Variants in ARHGEF38 observed in about 807,000 individuals in gnomAD.
ARHGEF38 encodes the protein Rho guanine nucleotide exchange factor 38, also known as Rho guanine nucleotide exchange factor (GEF) 38.
ARHGEF38 carries 79 observed loss-of-function variants against 79.9 expected under a neutral mutation model. The observed-to-expected ratio is 0.99, with a 90% confidence interval of 0.82 to 1.19. The LOEUF is 1.19. ARHGEF38 is among the 50% of genes most tolerant of loss of function. The pLI is 0.00. For missense variants in ARHGEF38, 962 were observed against 907.2 expected (o/e 1.06, Z -0.78); for synonymous variants, 366 against 328.3 (o/e 1.11, Z -1.24).
chr4:105,647,888 ATTTTTTTTT>A lies in ARHGEF38; in HGVS notation c.875-650_875-642del, dbSNP rs769532644. On this transcript the variant is annotated intron_variant, in intron 6 of 13. Coordinates refer to ENST00000420470, the MANE Select transcript of ARHGEF38 (RefSeq NM_001242729.2). ...ACAGTTGTCTTGTCTTTTCTTTTCT[ATTTTTTTTT>A]TTTTTTTTTTGAGACAGAGTCTTGC... Among the ~76,000 whole-genome samples, 338 of 119,554 alleles carry A rather than the reference ATTTTTTTTT, an allele frequency of 2.8e-3. 2 individuals are homozygous for A. Among genetic ancestry groups the A allele is most frequent in the African/African-American group, 0.01 (328 of 31,462 alleles). The allele number at this position is 119,554 out of a possible 152,430, so 78.4% of individuals were successfully genotyped here.
intron 3 of ARHGEF38, among the ~76,000 whole-genome samples, chr4:105,624,010 A>G (rs1728844617): frequency 6.6e-6 from 1 of 152,140 alleles, no homozygotes; most frequent in African/African-American, 2.4e-5. Flanking sequence ...CACAGAGATG[A>G]TCACGACAGG....
chr4:105,624,442 CACTT>C lies in ARHGEF38; in HGVS notation c.509-6455_509-6452del, dbSNP rs1237293591. On this transcript the variant is annotated intron_variant, in intron 3 of 13. Coordinates refer to ENST00000420470, the MANE Select transcript of ARHGEF38 (RefSeq NM_001242729.2). ...TAATAAAATGGATACTCAAGGGATA[CACTT>C]GTTTTAATCCCATGGCTGCATGTCC... Among the ~76,000 whole-genome samples, 4 of 152,206 alleles carry C rather than the reference CACTT, an allele frequency of 2.6e-5. No individual in the cohort carries two copies. The East Asian group carries it at 7.7e-4, about 29-fold the overall frequency.
At chr4:105,666,358 C>T (rs1730749529) in intron 11 of ARHGEF38, 38 bp downstream of exon 11, 1 of 1,483,406 alleles carries the variant, frequency 6.7e-7, no homozygotes, top group African/African-American at 1.4e-5. Flanking sequence ...ATAACTTTCA[C>T]CTCTTTGCCT....
intron 13 of ARHGEF38, among the ~76,000 whole-genome samples, chr4:105,676,179 A>G (rs1731109949): frequency 6.6e-6 from 1 of 152,214 alleles, no homozygotes. Flanking sequence ...AAGTCATCTT[A>G]TTTCTCATAG....
chr4:105,562,302 C>T (rs757025387), intron 1 of ARHGEF38, among the ~76,000 whole-genome samples: 2 of 152,102 alleles, frequency 1.3e-5, no homozygotes, highest in African/African-American at 4.8e-5. Context: ...ATATAATTCT[C>T]CTTGGGGAAA....
chr4:105,682,528 G>A (rs1460760078), downstream of ARHGEF38: 2 of 509,266 alleles, frequency 3.9e-6, no homozygotes, highest in Non-Finnish European at 7.0e-6. Context: ...ACACACTATG[G>A]AAATCATTAG....
chr4:105,587,032 G>A (rs1727086827), intron 1 of ARHGEF38, among the ~76,000 whole-genome samples: 1 of 151,588 alleles, frequency 6.6e-6, no homozygotes, highest in African/African-American at 2.4e-5. Context: ...CCTCTCATAA[G>A]GTGTCCTGTC....
Position 105,679,563 on chromosome 4 carries a change from G to C in ARHGEF38, c.*1626G>C, listed in dbSNP as rs922349425. On this transcript the variant is annotated 3_prime_UTR_variant, in exon 14 of 14. Transcript: ENST00000420470. Reference sequence around the variant, plus strand: ...TAAAGCTGCAGCCAATGCATCTATCGCCCCTTTCTCTTCTATCAGTATCTG... The same window carrying C: ...TAAAGCTGCAGCCAATGCATCTATCCCCCCTTTCTCTTCTATCAGTATCTG... The C allele has an allele frequency of 1.9e-6, 2 of 1,040,446 alleles. No individual in the cohort carries two copies. Among genetic ancestry groups the C allele is most frequent in the Admixed American group, 1.7e-5 (1 of 58,976 alleles). 64.5% of individuals were successfully genotyped at this position (1,040,446 alleles called of 1,614,324 possible).
intron 2 of ARHGEF38, among the ~76,000 whole-genome samples, chr4:105,595,203 A>G (rs1231553836): frequency 1.3e-5 from 2 of 152,178 alleles, no homozygotes; most frequent in Non-Finnish European, 2.9e-5. Flanking sequence ...CATTACCAGC[A>G]TCTTTTTACC....
chr4:105,568,554 C>T (rs1726055697), intron 1 of ARHGEF38, among the ~76,000 whole-genome samples: 1 of 152,156 alleles, frequency 6.6e-6, no homozygotes, highest in Admixed American at 6.5e-5. Context: ...ACTCCAAAGA[C>T]TATGGAATTT....
At chr4:105,645,581 A>T (rs1729804850) in intron 6 of ARHGEF38, among the ~76,000 whole-genome samples, 194 bp downstream of exon 6, 2 of 152,242 alleles carry the variant, frequency 1.3e-5, no homozygotes, top group Admixed American at 1.3e-4. Flanking sequence ...GAGGCACAAG[A>T]AATGAAATTA....
intron 2 of ARHGEF38, among the ~76,000 whole-genome samples, chr4:105,593,263 G>T (rs932441949): frequency 1.3e-5 from 2 of 152,128 alleles, no homozygotes; most frequent in African/African-American, 2.4e-5. Context: ...ACGCCCAGTT[G>T]CAGTGGCTCA....
chr4:105,591,310 G>T lies in ARHGEF38; in HGVS notation c.384+1875G>T, dbSNP rs1020287424. Among the ~76,000 whole-genome samples the T allele has an allele frequency of 4.6e-5, 7 of 152,158 alleles. No individual in the cohort carries two copies. In the South Asian group the frequency reaches 1.5e-3, roughly 32 times the overall value. ...GTGGCGCTGTCTCTGCTCACTGCAA[G>T]CTCCGCCTCCCGGGTTCATGCCATT... On this transcript the variant is annotated intron_variant, in intron 2 of 13. Transcript: ENST00000420470.
Position 105,667,270 on chromosome 4 carries a change from G to T in ARHGEF38, c.1831G>T (p.Val611Leu), listed in dbSNP as rs764344425. Reference protein sequence around the residue: ...INLLEGDLVAVIEQKDPLGST... With the variant: ...INLLEGDLVALIEQKDPLGST... ...TCTTCTGGAAGGAGACTTGGTGGCT[G>T]TGATAGAACAGAAAGATCCACTGGG... is the stretch of plus-strand genomic sequence containing the variant. Residue 611 changes from valine to leucine, a missense_variant, in exon 12 of 14, where the codon GTG (valine) becomes TTG (leucine). By Grantham distance (32) the Val-to-Leu change is conservative. Coordinates refer to ENST00000420470, the MANE Select transcript of ARHGEF38 (RefSeq NM_001242729.2). 1 of 1,536,222 alleles carries T rather than the reference G, an allele frequency of 6.5e-7. No individual in the cohort carries two copies.
At chr4:105,661,478 TTATTATTA>T (rs1730560266) in intron 10 of ARHGEF38, among the ~76,000 whole-genome samples, 1 of 14,804 alleles carries the variant, frequency 6.8e-5, no homozygotes, top group African/African-American at 1.9e-4. Flanking sequence ...CACCTCTTTA[TTATTATTA>T]TTATTATTAT....
intron 1 of ARHGEF38, among the ~76,000 whole-genome samples, chr4:105,572,429 A>C (rs1173609929): frequency 1.3e-5 from 2 of 152,160 alleles, no homozygotes; most frequent in Admixed American, 1.3e-4. Context: ...TTTAAAGTGT[A>C]CAGTTCCGTG....
intron 7 of ARHGEF38, among the ~76,000 whole-genome samples, chr4:105,652,243 T>C (rs1168303736): frequency 6.6e-6 from 1 of 152,244 alleles, no homozygotes; most frequent in Non-Finnish European, 1.5e-5. Context: ...AATTCCATTA[T>C]ATATGTGTAA....
intron 1 of ARHGEF38, among the ~76,000 whole-genome samples, chr4:105,555,783 C>T (rs1188684229): frequency 1.3e-5 from 2 of 152,156 alleles, no homozygotes; most frequent in Non-Finnish European, 2.9e-5. Context: ...GAAGCAAGTT[C>T]TCTGGGTTCC....
Position 105,680,552 on chromosome 4 carries a change from TA to T in ARHGEF38, c.*2618del, listed in dbSNP as rs1247158206. 2 of 150,616 alleles carry T rather than the reference TA, an allele frequency of 1.3e-5. No homozygotes were observed. The highest frequency in any genetic ancestry group is 1.5e-5 in the Non-Finnish European group (1 of 68,754). 9.3% of individuals were successfully genotyped at this position (150,616 alleles called of 1,614,324 possible). ...CTGGCTACTTTCATTACTGCTCAGTTAAAGGGTCTTGTAGCTCATTTTATGA... is the reference window on the plus strand; with the variant it reads ...CTGGCTACTTTCATTACTGCTCAGTTAAGGGTCTTGTAGCTCATTTTATGA... On this transcript the variant is annotated 3_prime_UTR_variant, in exon 14 of 14. Coordinates refer to ENST00000420470, the MANE Select transcript of ARHGEF38 (RefSeq NM_001242729.2).
Sources: allele counts gnomAD v4.1 joint callset (sites outside exome capture counted in the v4.1 genomes callset), GRCh38; gene constraint gnomAD v4.1.1; transcripts MANE v1.5; gene names NCBI Gene and HGNC (gene_info 2026-07-23, HGNC 2026-07-21).